Variants in PTPRN2 observed in about 807,000 individuals in gnomAD.
The protein encoded by PTPRN2 is protein tyrosine phosphatase receptor type N2.
Under a neutral mutation model 118.8 loss-of-function variants are expected in PTPRN2, and 74 were observed. The observed-to-expected ratio is 0.62, with a 90% CI of 0.52 to 0.76. The LOEUF is 0.76. Ranked by LOEUF, PTPRN2 falls within the 30% of genes least tolerant of loss-of-function variation. The pLI, the probability that PTPRN2 is intolerant of heterozygous loss-of-function variation, is 0.00. For missense variants in PTPRN2, 1,481 were observed against 1,394.4 expected (o/e 1.06, Z -0.99); for synonymous variants, 641 against 608.0 (o/e 1.05, Z -0.80).
chr7:158,341,157 G>A (rs867156851), intron 2 of PTPRN2, among the ~76,000 whole-genome samples: 16 of 70,768 alleles, frequency 2.3e-4, no homozygotes, highest in African/African-American at 5.9e-4. Context: ...AAGAGCTGAC[G>A]CCCGCAGACG....
At chr7:158,158,225 G>A (rs1038148204) in intron 6 of PTPRN2, among the ~76,000 whole-genome samples, 11 of 152,218 alleles carry the variant, frequency 7.2e-5, no homozygotes, top group African/African-American at 2.7e-4. Flanking sequence ...CAAAGTGACA[G>A]AAGCATTGGT....
chr7:158,518,230 G>A (rs1378113930), intron 1 of PTPRN2, among the ~76,000 whole-genome samples: 1 of 152,000 alleles, frequency 6.6e-6, no homozygotes, highest in East Asian at 1.9e-4. Context: ...GGGGTGGGAG[G>A]ATATGAACAT....
intron 3 of PTPRN2, among the ~76,000 whole-genome samples, chr7:158,242,031 T>G (rs1407590347): frequency 6.6e-6 from 1 of 152,192 alleles, no homozygotes; most frequent in African/African-American, 2.4e-5. Context: ...TGCTTGCTTC[T>G]GTTATTGTCC....
At chr7:158,122,522 C>T (rs1304980795) in intron 9 of PTPRN2, among the ~76,000 whole-genome samples, 1 of 152,154 alleles carries the variant, frequency 6.6e-6, no homozygotes, top group Non-Finnish European at 1.5e-5. Flanking sequence ...AGTGTCACCC[C>T]TAAAAATCAG....
chr7:158,548,374 C>G (rs1481586124), intron 1 of PTPRN2, among the ~76,000 whole-genome samples: 1 of 152,190 alleles, frequency 6.6e-6, no homozygotes, highest in Non-Finnish European at 1.5e-5. Context: ...TGTTCCTTTT[C>G]TCTTTCAAGG....
chr7:158,420,851 T>C (rs1343685579), intron 2 of PTPRN2, among the ~76,000 whole-genome samples: 1 of 152,226 alleles, frequency 6.6e-6, no homozygotes, highest in Non-Finnish European at 1.5e-5. Flanking sequence ...GGAGTCAGTT[T>C]CCTCCGCGTC....
chr7:157,820,545 TGCACACACAC>T (rs987808028), intron 12 of PTPRN2, among the ~76,000 whole-genome samples: 21 of 144,144 alleles, frequency 1.5e-4, no homozygotes, highest in African/African-American at 4.0e-4. Context: ...CCCACACACG[TGCACACACAC>T]GCACACACAC....
chr7:157,792,758 C>T (rs1250292636), intron 12 of PTPRN2, among the ~76,000 whole-genome samples: 3 of 152,184 alleles, frequency 2.0e-5, no homozygotes, highest in Non-Finnish European at 2.9e-5. Flanking sequence ...GAGGCTGCCC[C>T]GTGATGGCTG....
At chr7:157,975,259 C>T (rs575137987) in intron 11 of PTPRN2, among the ~76,000 whole-genome samples, 20 of 152,260 alleles carry the variant, frequency 1.3e-4, no homozygotes, top group East Asian at 3.9e-4. Flanking sequence ...CCACTGGATC[C>T]GAGCATCTGC....
In PTPRN2 at chr7:157,881,384, T is replaced by C. The variant is rs962207131; in HGVS notation, c.1788+17289A>G. Reference sequence around the variant, plus strand: ...CAGGTGCACACAGAGGGGTGAGGACTTGAGGATGCAGAGACGGCATCTGAA... The same window carrying C: ...CAGGTGCACACAGAGGGGTGAGGACCTGAGGATGCAGAGACGGCATCTGAA... On this transcript the variant is annotated intron_variant, in intron 12 of 22. Coordinates refer to ENST00000389418, the MANE Select transcript of PTPRN2 (RefSeq NM_002847.5). This position sits in a 1 kb window ranked among gnomAD's most constrained non-coding sequence, Gnocchi z 4.7. Among the ~76,000 whole-genome samples, 2 of 152,038 alleles carry C rather than the reference T, an allele frequency of 1.3e-5. No individual in the cohort carries two copies. Among genetic ancestry groups the C allele is most frequent in the African/African-American group, 4.8e-5 (2 of 41,356 alleles).
At chr7:157,965,199 G>T (rs1326428269) in intron 11 of PTPRN2, among the ~76,000 whole-genome samples, 3 of 152,154 alleles carry the variant, frequency 2.0e-5, no homozygotes, top group African/African-American at 7.2e-5. Context: ...CTTAGTTTTT[G>T]ACTCCATATG....
intron 3 of PTPRN2, among the ~76,000 whole-genome samples, chr7:158,241,937 C>A (rs2150857981): frequency 6.6e-6 from 1 of 152,306 alleles, no homozygotes; most frequent in East Asian, 1.9e-4. Context: ...CCCCCTCAGG[C>A]CCATATTTCT....
At chr7:157,951,761 C>T (rs1489683815) in intron 11 of PTPRN2, among the ~76,000 whole-genome samples, 1 of 152,258 alleles carries the variant, frequency 6.6e-6, no homozygotes, top group African/African-American at 2.4e-5. Flanking sequence ...CCACCTCCCA[C>T]CATCTTCCCT....
intron 17 of PTPRN2, among the ~76,000 whole-genome samples, chr7:157,592,783 G>A (rs1427533295): frequency 6.8e-6 from 1 of 147,584 alleles, no homozygotes; most frequent in East Asian, 2.1e-4. Flanking sequence ...GTGGATGTGG[G>A]CATCATTGTG....
intron 12 of PTPRN2, among the ~76,000 whole-genome samples, chr7:157,701,743 G>C (rs573436470): frequency 2.0e-5 from 3 of 150,880 alleles, no homozygotes; most frequent in Non-Finnish European, 4.4e-5. Context: ...GTTTATAAGA[G>C]AGCCGGGTCA....
intron 9 of PTPRN2, among the ~76,000 whole-genome samples, chr7:158,123,954 G>T (rs187179056): frequency 1.7e-4 from 25 of 148,240 alleles, no homozygotes; most frequent in African/African-American, 6.2e-4. Flanking sequence ...CGACCCAGGC[G>T]GAGCTGGTTC....
chr7:158,213,985 A>G (rs527447726), intron 3 of PTPRN2, among the ~76,000 whole-genome samples: 18 of 152,292 alleles, frequency 1.2e-4, no homozygotes, highest in South Asian at 1.0e-3. Context: ...CAGTTGGTCA[A>G]CTACTCAGAA....
At chr7:158,219,919 C>A (rs559247757) in intron 3 of PTPRN2, among the ~76,000 whole-genome samples, 1 of 151,304 alleles carries the variant, frequency 6.6e-6, no homozygotes, top group African/African-American at 2.4e-5. Context: ...CGGAACCAGA[C>A]AAATTCACAG....
intron 1 of PTPRN2, among the ~76,000 whole-genome samples, chr7:158,523,524 G>GAGCGGAGTCTGCCCTGA: frequency 9.3e-6 from 1 of 107,130 alleles, no homozygotes. Context: ...GTCTGCCCTG[G>GAGCGGAGTCTGCCCTGA]AGCAGAGTCT....
Sources: gnomAD v4.1 joint callset for allele counts (sites outside exome capture counted in the v4.1 genomes callset) on GRCh38, gnomAD v4.1.1 for gene constraint, Gnocchi (gnomAD v3.1) non-coding constraint, MANE v1.5 for transcripts, NCBI Gene and HGNC (gene_info 2026-07-23, HGNC 2026-07-21) for gene names.